The following IBTK variants were observed in gnomAD, a reference collection of about 807,000 sequenced individuals.
IBTK encodes inhibitor of Bruton tyrosine kinase.
A neutral mutation model predicts 154.9 loss-of-function variants in IBTK; 83 were observed. The observed-to-expected ratio is 0.54, with a 90% CI of 0.45 to 0.64. The LOEUF is 0.64. IBTK is among the 30% of genes least tolerant of loss of function. The pLI is 0.00. For synonymous variants in IBTK, 515 were observed against 536.1 expected (o/e 0.96, Z 0.54); for missense variants, 1,332 against 1,584.6 (o/e 0.84, Z 2.71).
rs558198705 is a variant in IBTK, at chr6:82,218,114, G to C, written c.1272C>G (p.Asn424Lys). ...AGRVFCWRSV[N>K]SSLKQCRWAY... ...CCCATCGACACTGCTTCAGAGAACT[G>C]TTGACTGATCTCCAGCAAAACACCT... The change falls in exon 10 of 29, where the codon AAC (asparagine) becomes AAG (lysine). Residue 424 changes from asparagine to lysine, a missense_variant. Asn to Lys is a moderately conservative substitution (Grantham distance 94, BLOSUM62 0). Around this residue, in one of 3 missense-constraint regions of IBTK, gnomAD observed 1,134 missense variants for 1,274.7 expected, o/e 0.89. Transcript: ENST00000306270. 1 of 1,576,202 alleles carries C rather than the reference G, an allele frequency of 6.3e-7. No individual in the cohort carries two copies. The highest frequency in any genetic ancestry group is 2.3e-5 in the East Asian group (1 of 43,782).
At position 82,223,436 on chromosome 6, in the gene IBTK, A is replaced by T; in HGVS notation, c.1124+4T>A. The stretch of plus-strand genomic sequence containing the variant: ...TTACGTTTCTTTCACAGAAATACAC[A>T]TACTTAGAAGCCATCTTCTTGCACT... On this transcript the variant is annotated splice_donor_region_variant and intron_variant, in intron 8 of 28. Transcript: ENST00000306270. 6.2e-7 allele frequency: 1 copy of T among 1,602,398 alleles called. No homozygotes were observed. The highest frequency in any genetic ancestry group is 2.2e-5 in the East Asian group (1 of 44,654).
At position 82,171,342 on chromosome 6, in the gene IBTK, AAT is replaced by A; in HGVS notation, c.*81_*82del. 1 of 1,159,860 alleles carries A rather than the reference AAT, an allele frequency of 8.6e-7. No individual in the cohort carries two copies. Among genetic ancestry groups the A allele is most frequent in the Non-Finnish European group, 1.2e-6 (1 of 816,734 alleles). The allele number at this position is 1,159,860 out of a possible 1,614,324, so 71.8% of individuals were successfully genotyped here. On this transcript the variant is annotated 3_prime_UTR_variant, in exon 29 of 29. Coordinates refer to ENST00000306270, the MANE Select transcript of IBTK (RefSeq NM_015525.4). ...TAATCTATTTAGAATGATATTACAA[AAT>A]CTCTAAGACTCTTTTCCACAGCTTT...
chr6:82,245,982 T>G (rs1771129008), intron 1 of IBTK, among the ~76,000 whole-genome samples: 1 of 152,190 alleles, frequency 6.6e-6, no homozygotes, highest in Admixed American at 6.5e-5. Flanking sequence ...TTATACATTA[T>G]ACACAGTGCT....
intron 26 of IBTK, among the ~76,000 whole-genome samples, chr6:82,180,688 G>GT (rs1403925253): frequency 2.0e-5 from 3 of 152,090 alleles, no homozygotes; most frequent in African/African-American, 7.2e-5. Context: ...CTAAATCTAA[G>GT]TATCTGTAAA....
intron 1 of IBTK, among the ~76,000 whole-genome samples, chr6:82,243,564 A>C (rs2127831311): frequency 6.6e-6 from 1 of 152,342 alleles, no homozygotes; most frequent in East Asian, 1.9e-4. Flanking sequence ...TACCAACTCG[A>C]TAGTCACTGA....
intron 25 of IBTK, among the ~76,000 whole-genome samples, chr6:82,188,858 T>C (rs1234538590): frequency 1.3e-5 from 2 of 151,968 alleles, no homozygotes; most frequent in African/African-American, 4.8e-5. Context: ...GGTGAAACCA[T>C]GTTTCTACTA....
Position 82,201,449 on chromosome 6 carries a change from C to T in IBTK, c.2763G>A (p.Lys921=). The change falls in exon 19 of 29, where the codon AAG becomes AAA. Residue 921 remains lysine (K), a synonymous_variant. Coordinates refer to ENST00000306270, the MANE Select transcript of IBTK (RefSeq NM_015525.4). ...SLDVLSDGVL[K]DLSEFYRKMI... ...TTTTCCGGTAAAACTCAGAAAGATC[C>T]TTCAAAACACCATCGCTTAAAACAT... 5.0e-6 allele frequency: 8 copies of T among 1,608,022 alleles called. No individual in the cohort carries two copies. Among genetic ancestry groups the T allele is most frequent in the Non-Finnish European group, 6.8e-6 (8 of 1,177,012 alleles).
chr6:82,183,996 G>A (rs1768416261), intron 25 of IBTK, among the ~76,000 whole-genome samples: 1 of 152,210 alleles, frequency 6.6e-6, no homozygotes, highest in South Asian at 2.1e-4. Flanking sequence ...CTCTAGAACT[G>A]TGAGCCAATA....
intron 3 of IBTK, among the ~76,000 whole-genome samples, chr6:82,233,313 C>T (rs960008970): frequency 1.3e-5 from 2 of 152,004 alleles, no homozygotes; most frequent in East Asian, 1.9e-4. Context: ...ACTGACAAAG[C>T]GAGACCCTAT....
chr6:82,173,174 G>A, intron 27 of IBTK, 193 bp downstream of exon 27: 1 of 407,440 alleles, frequency 2.5e-6, no homozygotes, highest in South Asian at 6.2e-5. Context: ...GCTAAGTTTT[G>A]TATTTTTAGT....
In IBTK at chr6:82,212,804, T is replaced by G; in HGVS notation, c.2205-11A>C. On this transcript the variant is annotated splice_polypyrimidine_tract_variant and intron_variant, in intron 12 of 28. Coordinates refer to ENST00000306270, the MANE Select transcript of IBTK (RefSeq NM_015525.4). ...CTGACTCCATCTAACCTATCAAGGA[T>G]AGATAAAAATTAACAATTGATATTC... The G allele has an allele frequency of 4.8e-6, 7 of 1,454,526 alleles. No individual in the cohort carries two copies. The highest frequency in any genetic ancestry group is 6.7e-6 in the Non-Finnish European group (7 of 1,039,014). 90.1% of individuals were successfully genotyped at this position (1,454,526 alleles called of 1,614,324 possible). A position where few individuals can be genotyped will look rare whatever the true frequency, so the allele number is the denominator to read the frequency against.
intron 25 of IBTK, among the ~76,000 whole-genome samples, chr6:82,189,612 G>A (rs1364809781): frequency 6.6e-6 from 1 of 152,088 alleles, no homozygotes; most frequent in Non-Finnish European, 1.5e-5. Flanking sequence ...CAAGACAACA[G>A]TTAAAGAAAA....
chr6:82,216,973 A>C (rs1280508538), intron 10 of IBTK, among the ~76,000 whole-genome samples: 3 of 152,188 alleles, frequency 2.0e-5, no homozygotes, highest in African/African-American at 7.2e-5. Context: ...AATAGATAAA[A>C]AGAGGCCATT....
At chr6:82,177,912 T>C (rs1303483091) in intron 26 of IBTK, among the ~76,000 whole-genome samples, 2 of 152,188 alleles carry the variant, frequency 1.3e-5, no homozygotes, top group Non-Finnish European at 2.9e-5. Flanking sequence ...TTAATATTTA[T>C]CAACTAGATT....
At chr6:82,232,740 GCA>G (rs1770555254) in intron 3 of IBTK, among the ~76,000 whole-genome samples, 2 of 152,212 alleles carry the variant, frequency 1.3e-5, no homozygotes, top group East Asian at 1.9e-4. Flanking sequence ...TTGGAGCCGG[GCA>G]CAGTGGCTCA....
chr6:82,227,374 G>T, intron 4 of IBTK, 72 bp from the exon 5 acceptor site: 1 of 870,598 alleles, frequency 1.1e-6, no homozygotes, highest in Non-Finnish European at 1.7e-6. Flanking sequence ...AAAAGAAATA[G>T]AATATTGTTA....
chr6:82,224,933 A>T (rs141517203), intron 6 of IBTK, among the ~76,000 whole-genome samples: 1 of 152,212 alleles, frequency 6.6e-6, no homozygotes, highest in South Asian at 2.1e-4. Flanking sequence ...CCAAGTGCAG[A>T]ATTTCCCAAG....
At chr6:82,217,398 A>T (rs1181825975) in intron 10 of IBTK, among the ~76,000 whole-genome samples, 1 of 152,178 alleles carries the variant, frequency 6.6e-6, no homozygotes, top group Non-Finnish European at 1.5e-5. Flanking sequence ...CATTAGTCTC[A>T]GTGAACTGCA....
intron 26 of IBTK, among the ~76,000 whole-genome samples, chr6:82,177,273 G>C (rs531391365): frequency 6.6e-6 from 1 of 152,072 alleles, no homozygotes; most frequent in East Asian, 1.9e-4. Flanking sequence ...GCGGTGACGT[G>C]ATCCTGGCTC....
Sources: gnomAD v4.1 joint callset for allele counts (sites outside exome capture counted in the v4.1 genomes callset) on GRCh38, gnomAD v4.1.1 for gene constraint, gnomAD v4.1.1 regional missense constraint, MANE v1.5 for transcripts, NCBI Gene and HGNC (gene_info 2026-07-23, HGNC 2026-07-21) for gene names.